STK24: variants seen among roughly 807,000 people sequenced by gnomAD.
The protein encoded by STK24 is serine/threonine kinase 24.
In STK24, 21 loss-of-function variants were observed where a neutral mutation model predicts 55.6. That is an observed-to-expected ratio of 0.38 (90% CI 0.27 to 0.54). The LOEUF is 0.54. Ranked by LOEUF, STK24 falls within the 20% of genes least tolerant of loss-of-function variation. STK24 has a pLI of 0.79. For synonymous variants in STK24, 200 were observed against 215.2 expected (o/e 0.93, Z 0.62); for missense variants, 383 against 538.4 (o/e 0.71, Z 2.86).
At chr13:98,502,452 A>C (rs567633040) in intron 2 of STK24, among the ~76,000 whole-genome samples, 1 of 152,190 alleles carries the variant, frequency 6.6e-6, no homozygotes, top group South Asian at 2.1e-4. Context: ...CTACGATTTG[A>C]ATGTGTCCCC....
chr13:98,544,755 T>G (rs1384168594), intron 1 of STK24, among the ~76,000 whole-genome samples: 4 of 152,180 alleles, frequency 2.6e-5, no homozygotes, highest in Non-Finnish European at 5.9e-5. Context: ...AGGGGAAACA[T>G]TTCAGAAAAA....
At chr13:98,477,822 C>T (rs1183265599) in intron 3 of STK24, among the ~76,000 whole-genome samples, 5 of 152,094 alleles carry the variant, frequency 3.3e-5, no homozygotes, top group African/African-American at 7.2e-5. Flanking sequence ...CCAAAAGCAA[C>T]GGCAGAGCGG....
intron 1 of STK24, chr13:98,542,849 TGTCCGTAAGAG>T (rs1896925925): frequency 1.0e-6 from 1 of 979,582 alleles, no homozygotes; most frequent in Non-Finnish European, 1.2e-6. Flanking sequence ...TTACCCTGTA[TGTCCGTAAGAG>T]GTCAGTTGAA....
intron 1 of STK24, among the ~76,000 whole-genome samples, chr13:98,549,866 AT>A (rs1897118663): frequency 6.6e-6 from 1 of 152,148 alleles, no homozygotes; most frequent in South Asian, 2.1e-4. Flanking sequence ...TCGAAACACA[AT>A]TGCACTAAGA....
chr13:98,568,575 G>A (rs1566409768), intron 1 of STK24, among the ~76,000 whole-genome samples: 1 of 152,182 alleles, frequency 6.6e-6, no homozygotes. Flanking sequence ...ACTTAAAAAT[G>A]GGGAATGAAG....
intron 1 of STK24, among the ~76,000 whole-genome samples, chr13:98,535,396 T>TACACACAC (rs1566392211): frequency 6.7e-5 from 4 of 60,090 alleles, no homozygotes; most frequent in African/African-American, 3.4e-4. Context: ...TATATGTGTG[T>TACACACAC]ATACACACAC....
intron 2 of STK24, among the ~76,000 whole-genome samples, chr13:98,503,039 T>TG (rs1566372535): frequency 3.3e-5 from 5 of 150,188 alleles, no homozygotes; most frequent in African/African-American, 1.2e-4. Context: ...TTTTTTTTTT[T>TG]TTCAGTATGG....
At chr13:98,500,249 G>A (rs1239756685) in intron 2 of STK24, among the ~76,000 whole-genome samples, 4 of 152,198 alleles carry the variant, frequency 2.6e-5, no homozygotes, top group African/African-American at 9.7e-5. Context: ...CACAGCAAAT[G>A]AGCAGGAGGC....
intron 3 of STK24, among the ~76,000 whole-genome samples, chr13:98,480,945 A>G (rs1255130649): frequency 1.3e-5 from 2 of 152,184 alleles, no homozygotes; most frequent in African/African-American, 2.4e-5. Flanking sequence ...ACCCGTGTAG[A>G]CTATGCTAAA....
chr13:98,545,437 G>A (rs1897004635), intron 1 of STK24, among the ~76,000 whole-genome samples: 1 of 152,136 alleles, frequency 6.6e-6, no homozygotes, highest in East Asian at 1.9e-4. Flanking sequence ...ACGAGGTCAG[G>A]AGATCCAGAT....
chr13:98,573,061 G>C (rs983401065), intron 1 of STK24, among the ~76,000 whole-genome samples: 1 of 152,136 alleles, frequency 6.6e-6, no homozygotes, highest in Non-Finnish European at 1.5e-5. Flanking sequence ...TCTGATTTCG[G>C]ATGTTCAACA....
Position 98,445,700 on chromosome 13 carries a change from CT to C in STK24, c.*7472del, listed in dbSNP as rs1476917146. ...TGCCTCGGTGTCACAGGGCACACCC[CT>C]CTCCCCTCAAGGTGGCTCTTCTCCT... On this transcript the variant is annotated 3_prime_UTR_variant, in exon 11 of 11. Transcript: ENST00000539966. The C allele has an allele frequency of 6.4e-6, 1 of 157,178 alleles. No homozygotes were observed. Among genetic ancestry groups the C allele is most frequent in the African/African-American group, 2.4e-5 (1 of 41,612 alleles). The allele number at this position is 157,178 out of a possible 1,614,324, so 9.7% of individuals were successfully genotyped here. A position where few individuals can be genotyped will look rare whatever the true frequency, so the allele number is the denominator to read the frequency against.
In STK24 at chr13:98,447,537, T is replaced by C; in HGVS notation, c.*5636A>G. 1 of 152,486 alleles carries C rather than the reference T, an allele frequency of 6.6e-6. No individual in the cohort carries two copies. Among genetic ancestry groups the C allele is most frequent in the East Asian group, 1.9e-4 (1 of 5,186 alleles). 9.4% of individuals were successfully genotyped at this position (152,486 alleles called of 1,614,324 possible). A position where few individuals can be genotyped will look rare whatever the true frequency, so the allele number is the denominator to read the frequency against. Reference sequence around the variant, plus strand: ...GGTAATTTGGGGAGTCCGTCCTGCATTGTGCAGGATGTTCAGCGGCATCCC... The same window carrying C: ...GGTAATTTGGGGAGTCCGTCCTGCACTGTGCAGGATGTTCAGCGGCATCCC... On this transcript the variant is annotated 3_prime_UTR_variant, in exon 11 of 11. Coordinates refer to ENST00000539966, the MANE Select transcript of STK24 (RefSeq NM_001032296.4).
At position 98,463,731 on chromosome 13, in the gene STK24, C is replaced by T. The variant is rs376658386; in HGVS notation, c.889G>A (p.Glu297Lys). Residue 297 changes from glutamate to lysine, a missense_variant, in exon 7 of 11, where the codon GAG (glutamate) becomes AAG (lysine). By Grantham distance (56) the Glu-to-Lys change is moderately conservative (BLOSUM62 1). Transcript: ENST00000539966. Reference protein sequence around the residue: ...LIDRYKRWKAEQSHDDSSSED... With the variant: ...LIDRYKRWKAKQSHDDSSSED... ...GAGCTCGAGTCGTCATGGCTCTGCT[C>T]GGCCTTCCATCTCTTGTACCTGTCG... The T allele has an allele frequency of 7.2e-5, 117 of 1,614,034 alleles. No homozygotes were observed. The highest frequency in any genetic ancestry group is 1.6e-4 in the African/African-American group (12 of 74,922).
Position 98,547,932 on chromosome 13 carries a change from C to T in STK24, c.43-28459G>A, listed in dbSNP as rs190394628. Among the ~76,000 whole-genome samples the T allele has an allele frequency of 4.1e-4, 62 of 152,302 alleles. 2 individuals are homozygous for T. The East Asian group carries it at 0.011, about 27-fold the overall frequency. On this transcript the variant is annotated intron_variant, in intron 1 of 10. Transcript: ENST00000539966. ...ACACAGAGCAAACTACTGCTAAACC[C>T]TCATGGTAGATGAGGCTATTTATGC...
chr13:98,564,189 T>C (rs1440683682), intron 1 of STK24, among the ~76,000 whole-genome samples: 2 of 152,234 alleles, frequency 1.3e-5, no homozygotes, highest in Non-Finnish European at 2.9e-5. Flanking sequence ...TGTATAGTAT[T>C]ACATTTAGTT....
chr13:98,521,729 T>A (rs1225241296), intron 1 of STK24: 1 of 773,870 alleles, frequency 1.3e-6, no homozygotes, highest in Admixed American at 1.7e-5. Context: ...ACATACCCCG[T>A]TTTCAGCAGC....
At chr13:98,567,331 G>A (rs1471411392) in intron 1 of STK24, among the ~76,000 whole-genome samples, 1 of 139,796 alleles carries the variant, frequency 7.2e-6, no homozygotes, top group Admixed American at 7.0e-5. Flanking sequence ...CCCCAGTCCT[G>A]CACCGACCAC....
intron 5 of STK24, among the ~76,000 whole-genome samples, chr13:98,472,356 G>A (rs1022518952): frequency 6.6e-6 from 1 of 152,214 alleles, no homozygotes; most frequent in African/African-American, 2.4e-5. Context: ...GAACTCTGAA[G>A]GGAGGACTTG....
Sources: gnomAD v4.1 joint callset for allele counts (sites outside exome capture counted in the v4.1 genomes callset) on GRCh38, gnomAD v4.1.1 for gene constraint, MANE v1.5 for transcripts, NCBI Gene and HGNC (gene_info 2026-07-23, HGNC 2026-07-21) for gene names.